Variants in ACTR3C observed in about 807,000 individuals in gnomAD.
ACTR3C encodes actin related protein 3C.
ACTR3C carries 18 observed loss-of-function variants against 26.3 expected under a neutral mutation model. The ratio of observed to expected loss-of-function variants is 0.68; its 90% CI spans 0.47 to 1.01. The LOEUF is 1.01. Ranked by LOEUF, ACTR3C falls within the 50% of genes least tolerant of loss-of-function variation. ACTR3C has a pLI of 0.00. For synonymous variants in ACTR3C, 55 were observed against 94.5 expected, an observed-to-expected ratio of 0.58 and a Z score of 2.42; for missense variants, 184 against 250.7, an observed-to-expected ratio of 0.73 and a Z score of 1.80.
At chr7:150,300,317 A>AC (rs1329303898) in intron 1 of ACTR3C, among the ~76,000 whole-genome samples, 1 of 152,074 alleles carries the variant, frequency 6.6e-6, no homozygotes, top group Non-Finnish European at 1.5e-5. Context: ...GTGCCACTGC[A>AC]CTCCAGCCTG....
At chr7:150,308,351 GC>G (rs1795979448) in intron 1 of ACTR3C, among the ~76,000 whole-genome samples, 2 of 151,992 alleles carry the variant, frequency 1.3e-5, no homozygotes, top group African/African-American at 4.8e-5. Context: ...ATTTTCTTCT[GC>G]AACTCCGCTT....
intron 6 of ACTR3C, among the ~76,000 whole-genome samples, chr7:150,271,053 G>T (rs1293500787): frequency 3.3e-5 from 5 of 149,380 alleles, no homozygotes; most frequent in Admixed American, 6.6e-5. Context: ...AGACTCTGAA[G>T]CAGTGAGGTG....
the ACTR3C span, among the ~76,000 whole-genome samples, chr7:150,042,742 T>A: frequency 6.6e-6 from 1 of 151,400 alleles, no homozygotes; most frequent in Non-Finnish European, 1.5e-5. Context: ...GGCCCTCTAA[T>A]AGGGGGGCCA....
At chr7:150,176,518 T>C in the ACTR3C span, among the ~76,000 whole-genome samples, 1 of 151,010 alleles carries the variant, frequency 6.6e-6, no homozygotes, top group Non-Finnish European at 1.5e-5. Context: ...ACATGACAGA[T>C]CATGTTTTCA....
chr7:149,922,058 G>A, the ACTR3C span, among the ~76,000 whole-genome samples: 1 of 143,784 alleles, frequency 7.0e-6, no homozygotes, highest in Non-Finnish European at 1.5e-5. Context: ...GGACTTGCTT[G>A]CTCAGTAACA....
At chr7:150,064,949 A>G in the ACTR3C span, among the ~76,000 whole-genome samples, 1 of 152,200 alleles carries the variant, frequency 6.6e-6, no homozygotes, top group Non-Finnish European at 1.5e-5. Flanking sequence ...TGTGGATGAG[A>G]CAAGATTTTA....
the ACTR3C span, among the ~76,000 whole-genome samples, chr7:149,998,221 T>C: frequency 1.5e-3 from 232 of 150,948 alleles, 1 homozygote; most frequent in Non-Finnish European, 1.9e-3. Flanking sequence ...AGCAAGTCCC[T>C]AGGAGATCTG....
chr7:150,062,585 A>G, the ACTR3C span, among the ~76,000 whole-genome samples: 81 of 150,992 alleles, frequency 5.4e-4, no homozygotes, highest in East Asian at 0.011. Context: ...CTGTGTTTCT[A>G]TTATATGTAA....
At chr7:150,247,623 C>T (rs1034002544) in intron 7 of ACTR3C, 54 bp from the exon 8 acceptor site, 2 of 134,288 alleles carry the variant, frequency 1.5e-5, no homozygotes, top group African/African-American at 5.7e-5. Flanking sequence ...TTTAGTTTAC[C>T]GTCTTCATAA....
chr7:149,948,294 C>T, the ACTR3C span, among the ~76,000 whole-genome samples: 1 of 129,938 alleles, frequency 7.7e-6, no homozygotes. Context: ...ACAGACGTGG[C>T]CATGCCAGGA....
At chr7:150,103,477 G>C in the ACTR3C span, among the ~76,000 whole-genome samples, 1 of 151,826 alleles carries the variant, frequency 6.6e-6, no homozygotes, top group Non-Finnish European at 1.5e-5. Context: ...TCTAGCCACT[G>C]CATTTCATGG....
At chr7:150,059,502 TGAAGA>T in the ACTR3C span, among the ~76,000 whole-genome samples, 1 of 152,046 alleles carries the variant, frequency 6.6e-6, no homozygotes, top group Non-Finnish European at 1.5e-5. Flanking sequence ...CTTAAATATG[TGAAGA>T]GAAGAGAACA....
At chr7:150,280,449 T>C (rs1305832708) in intron 6 of ACTR3C, among the ~76,000 whole-genome samples, 5 of 152,222 alleles carry the variant, frequency 3.3e-5, no homozygotes, top group Admixed American at 1.3e-4. Context: ...TGTTTAAAGA[T>C]TCTGAATTTT....
the ACTR3C span, among the ~76,000 whole-genome samples, chr7:150,185,951 C>T: frequency 2.6e-5 from 4 of 152,168 alleles, no homozygotes; most frequent in Admixed American, 2.6e-4. Context: ...AACAACTTCC[C>T]TTGCAGTCCT....
chr7:150,141,106 G>T, the ACTR3C span, among the ~76,000 whole-genome samples: 1 of 152,248 alleles, frequency 6.6e-6, no homozygotes, highest in African/African-American at 2.4e-5. Flanking sequence ...CAGAAGAAAA[G>T]CTGGAAGCTA....
intron 3 of ACTR3C, among the ~76,000 whole-genome samples, chr7:150,290,339 TGGGC>T (rs1836141414): frequency 6.6e-6 from 1 of 152,202 alleles, no homozygotes; most frequent in Non-Finnish European, 1.5e-5. Context: ...ACAGCAATGA[TGGGC>T]CCAAAGCTCC....
chr7:149,961,443 AT>A, the ACTR3C span, among the ~76,000 whole-genome samples: 3 of 151,970 alleles, frequency 2.0e-5, no homozygotes, highest in Admixed American at 2.0e-4. Context: ...CAGATAGGAA[AT>A]GTGGGCTCAC....
the ACTR3C span, among the ~76,000 whole-genome samples, chr7:150,180,130 C>T: frequency 1.3e-5 from 2 of 150,314 alleles, no homozygotes; most frequent in Non-Finnish European, 2.9e-5. Context: ...ACGGTGAAAC[C>T]CCATCTCTAC....
At chr7:150,275,215 A>G (rs1300881181) in intron 6 of ACTR3C, among the ~76,000 whole-genome samples, 1 of 152,214 alleles carries the variant, frequency 6.6e-6, no homozygotes, top group African/African-American at 2.4e-5. Context: ...AAATACAGAA[A>G]AAAGAGTGGG....
Sources: gnomAD v4.1 joint callset for allele counts (sites outside exome capture counted in the v4.1 genomes callset) on GRCh38, gnomAD v4.1.1 for gene constraint, MANE v1.5 for transcripts, NCBI Gene and HGNC (gene_info 2026-07-23, HGNC 2026-07-21) for gene names.